Variants in TSPAN7 observed in about 807,000 individuals in gnomAD.
The protein encoded by TSPAN7 is tetraspanin 7.
In TSPAN7, 1 loss-of-function variant was observed where a neutral mutation model predicts 17.6. The ratio of observed to expected loss-of-function variants is 0.06; its 90% CI spans 0.02 to 0.27. The LOEUF (loss-of-function observed/expected upper bound fraction) is 0.27, where lower values mean the gene tolerates loss of function less well. Ranked by LOEUF, TSPAN7 falls within the 10% of genes least tolerant of loss-of-function variation. TSPAN7 has a pLI of 1.00. For synonymous variants in TSPAN7, 78 were observed against 79.0 expected, an observed-to-expected ratio of 0.99 and a Z score of 0.07; for missense variants, 112 against 201.7, an observed-to-expected ratio of 0.56 and a Z score of 2.69.
intron 2 of TSPAN7, among the ~76,000 whole-genome samples, chrX:38,666,807 G>A (rs6610176): frequency 0.17 from 18,917 of 109,370 alleles, 2,000 homozygotes; most frequent in East Asian, 0.78. Flanking sequence ...TCACCATGTT[G>A]GCCAGGATGG....
chrX:38,649,251 T>C (rs2069662995), intron 1 of TSPAN7, among the ~76,000 whole-genome samples: 1 of 111,097 alleles, frequency 9.0e-6, no homozygotes, highest in Admixed American at 9.6e-5. Flanking sequence ...GCTGCAGTAA[T>C]GTTAGCCACT....
At chrX:38,659,038 ACC>A (rs1347686320) in intron 1 of TSPAN7, among the ~76,000 whole-genome samples, 20 of 86,731 alleles carry the variant, frequency 2.3e-4, no homozygotes, top group African/African-American at 5.2e-4. Flanking sequence ...ACACACACAC[ACC>A]CACAGACGTA....
chrX:38,630,282 G>A (rs2069542998), intron 1 of TSPAN7, among the ~76,000 whole-genome samples: 1 of 111,895 alleles, frequency 8.9e-6, no homozygotes, highest in Non-Finnish European at 1.9e-5. Flanking sequence ...AATATATAAT[G>A]GATATATTGC....
At chrX:38,631,937 A>G (rs1393538920) in intron 1 of TSPAN7, among the ~76,000 whole-genome samples, 1 of 112,016 alleles carries the variant, frequency 8.9e-6, no homozygotes, top group Non-Finnish European at 1.9e-5. Context: ...ACCATACCCC[A>G]CTAGGACAAT....
intron 1 of TSPAN7, among the ~76,000 whole-genome samples, chrX:38,604,557 C>T (rs748876095): frequency 9.0e-6 from 1 of 111,272 alleles, no homozygotes; most frequent in African/African-American, 3.3e-5. Context: ...TTAATGATTG[C>T]CATTCTAACT....
At chrX:38,679,731 G>T (rs1283166877) in intron 5 of TSPAN7, among the ~76,000 whole-genome samples, 2 of 102,040 alleles carry the variant, frequency 2.0e-5, no homozygotes, top group Non-Finnish European at 3.9e-5. Flanking sequence ...AAAAAAAAAA[G>T]AGAAAAGAAA....
At chrX:38,583,630 T>G (rs1569302762) in intron 1 of TSPAN7, among the ~76,000 whole-genome samples, 1 of 112,008 alleles carries the variant, frequency 8.9e-6, no homozygotes, top group Non-Finnish European at 1.9e-5. Context: ...GGTGCTGGTG[T>G]GGGAGCCTAC....
chrX:38,589,978 C>G (rs1397401364), intron 1 of TSPAN7, among the ~76,000 whole-genome samples: 1 of 112,977 alleles, frequency 8.9e-6, no homozygotes, highest in Non-Finnish European at 1.9e-5. Context: ...ATTGTGACTA[C>G]AAATTTCTGG....
intron 1 of TSPAN7, among the ~76,000 whole-genome samples, chrX:38,579,430 A>G (rs2069215365): frequency 9.1e-6 from 1 of 109,442 alleles, no homozygotes; most frequent in Non-Finnish European, 1.9e-5. Context: ...AAAAAAAAAT[A>G]CAAATATTAG....
chrX:38,650,855 C>T (rs2069671968), intron 1 of TSPAN7, among the ~76,000 whole-genome samples: 2 of 110,701 alleles, frequency 1.8e-5, no homozygotes, highest in Admixed American at 9.7e-5. Context: ...GCTTCTGATG[C>T]TGTTTCCAGA....
rs1468402055 is a variant in TSPAN7 at position 38,651,549 on chromosome X, T to C, written c.82-14572T>C. On this transcript the variant is annotated intron_variant, in intron 1 of 7. Transcript: ENST00000378482. ...ATGAAATGATTATTGTCTTTGAGTG[T>C]CAGGAAAGGCCTCTTGGTGAAAGGA... Among the ~76,000 whole-genome samples, 3 of 111,900 alleles carry C rather than the reference T, an allele frequency of 2.7e-5. No individual in the cohort carries two copies. The East Asian group carries it at 8.5e-4, about 32-fold the overall frequency.
intron 1 of TSPAN7, chrX:38,562,930 GC>G: frequency 1.1e-6 from 1 of 905,312 alleles, no homozygotes; most frequent in Non-Finnish European, 1.4e-6. Context: ...CCTCACCCCC[GC>G]CCCTCACCCA....
At chrX:38,599,461 T>C (rs906069739) in intron 1 of TSPAN7, among the ~76,000 whole-genome samples, 4 of 111,636 alleles carry the variant, frequency 3.6e-5, no homozygotes, top group African/African-American at 1.3e-4. Context: ...ATGTAAGAAT[T>C]GTACATATTT....
chrX:38,635,159 T>A (rs1476238959), intron 1 of TSPAN7, among the ~76,000 whole-genome samples: 1 of 111,731 alleles, frequency 9.0e-6, no homozygotes, highest in African/African-American at 3.3e-5. Flanking sequence ...TATATAGATG[T>A]GTACTTGGGA....
chrX:38,612,690 A>G (rs759722391), intron 1 of TSPAN7: 9 of 111,888 alleles, frequency 8.0e-5, no homozygotes, highest in Admixed American at 2.8e-4. Context: ...GGCCTTGCAT[A>G]CCTGAAAATG....
Position 38,663,240 on chromosome X carries a change from G to GGCATT in TSPAN7, c.82-2880_82-2876dup, listed in dbSNP as rs765980951. Among the ~76,000 whole-genome samples, 740 of 110,932 alleles carry GGCATT rather than the reference G, an allele frequency of 6.7e-3. 3 individuals carry two copies. The highest frequency in any genetic ancestry group is 9.7e-3 in the Non-Finnish European group (514 of 52,941). On this transcript the variant is annotated intron_variant, in intron 1 of 7. Coordinates refer to ENST00000378482, the MANE Select transcript of TSPAN7 (RefSeq NM_004615.4). ...AAGCCATAAAAAGGAATGAAGTAATGGCATTTGCAGCAACCTGGATGGAAT... is the reference window on the plus strand; with the variant it reads ...AAGCCATAAAAAGGAATGAAGTAATGGCATTGCATTTGCAGCAACCTGGATGGAAT...
intron 1 of TSPAN7, among the ~76,000 whole-genome samples, chrX:38,619,953 C>G (rs7879527): frequency 8.9e-6 from 1 of 112,134 alleles, no homozygotes; most frequent in Non-Finnish European, 1.9e-5. Flanking sequence ...ATTCTTTTCC[C>G]TAAGACAATG....
Position 38,671,450 on chromosome X carries a change from G to A in TSPAN7, c.345G>A (p.Glu115=), listed in dbSNP as rs771463770. Residue 115 remains glutamate, a splice_region_variant and synonymous_variant, in exon 3 of 8, where the codon GAG becomes GAA. Transcript: ENST00000378482. ...AGISGFVFRH[E]IKDTFLRTYT... ...TTTCAGGGTTTGTGTTTCGTCATGA[G>A]GTGAGTATACACAAAATGCAGAACT... The A allele has an allele frequency of 8.3e-7, 1 of 1,209,491 alleles. No homozygotes were observed. The highest frequency in any genetic ancestry group is 1.1e-6 in the Non-Finnish European group (1 of 893,540).
At chrX:38,563,349 C>A (rs187060800) in intron 1 of TSPAN7, among the ~76,000 whole-genome samples, 2 of 112,015 alleles carry the variant, frequency 1.8e-5, no homozygotes, top group Admixed American at 1.9e-4. Context: ...ATGCTGATTG[C>A]TGAAACTTCC....
Sources: gnomAD v4.1 joint callset for allele counts (sites outside exome capture counted in the v4.1 genomes callset) on GRCh38, gnomAD v4.1.1 for gene constraint, MANE v1.5 for transcripts, NCBI Gene and HGNC (gene_info 2026-07-23, HGNC 2026-07-21) for gene names.